The following ST6GALNAC3 variants were observed in gnomAD, a reference collection of about 807,000 sequenced individuals.
ST6GALNAC3 encodes ST6 N-acetylgalactosaminide alpha-2,6-sialyltransferase 3.
In ST6GALNAC3, 25 loss-of-function variants were observed where a neutral mutation model predicts 32.7. The observed-to-expected ratio is 0.76, with a 90% CI of 0.56 to 1.07. The LOEUF is 1.07. Ranked by LOEUF, ST6GALNAC3 falls within the 50% of genes least tolerant of loss-of-function variation. ST6GALNAC3 has a pLI of 0.00. For missense variants in ST6GALNAC3, 355 were observed against 382.4 expected (o/e 0.93, Z 0.60); for synonymous variants, 129 against 133.1 (o/e 0.97, Z 0.21).
At chr1:76,396,251 G>C (rs1351066038) in intron 2 of ST6GALNAC3, among the ~76,000 whole-genome samples, 5 of 152,164 alleles carry the variant, frequency 3.3e-5, no homozygotes, top group Admixed American at 6.5e-5. Flanking sequence ...GATTGCATGA[G>C]TCCAGGAGTT....
chr1:76,471,886 A>T (rs1659055472), intron 3 of ST6GALNAC3, among the ~76,000 whole-genome samples: 1 of 151,502 alleles, frequency 6.6e-6, no homozygotes, highest in South Asian at 2.1e-4. Context: ...TTTTAACAAC[A>T]GGGACATTTT....
Position 76,361,924 on chromosome 1 carries a change from G to A in ST6GALNAC3, c.213+47925G>A, listed in dbSNP as rs945125971. On this transcript the variant is annotated intron_variant, in intron 2 of 4. Transcript: ENST00000328299. ...ACCCAGGAGGTGAAGGTTGCAGTGC[G>A]CTGAGATCACGCCACTGCACTCCAG... Among the ~76,000 whole-genome samples, 96 of 149,664 alleles carry A rather than the reference G, an allele frequency of 6.4e-4. 1 individual carries two copies. Among genetic ancestry groups the A allele is most frequent in the East Asian group, 4.3e-3 (22 of 5,142 alleles).
intron 3 of ST6GALNAC3, among the ~76,000 whole-genome samples, chr1:76,609,268 T>G (rs965955665): frequency 2.6e-5 from 4 of 152,206 alleles, no homozygotes; most frequent in Non-Finnish European, 4.4e-5. Context: ...TCACTAAAAT[T>G]TCCAGGACCT....
At chr1:76,594,358 T>C (rs1487972236) in intron 3 of ST6GALNAC3, among the ~76,000 whole-genome samples, 8 of 152,158 alleles carry the variant, frequency 5.3e-5, no homozygotes, top group African/African-American at 1.4e-4. Flanking sequence ...TCTACCCAAC[T>C]CTTTAAAGGT....
chr1:76,206,738 A>T (rs1654847817), intron 1 of ST6GALNAC3, among the ~76,000 whole-genome samples: 1 of 152,124 alleles, frequency 6.6e-6, no homozygotes, highest in Admixed American at 6.5e-5. Context: ...TCTAAAAAAA[A>T]AAAATGCTGT....
chr1:76,364,852 A>G (rs1650243710), intron 2 of ST6GALNAC3, among the ~76,000 whole-genome samples: 1 of 152,302 alleles, frequency 6.6e-6, no homozygotes, highest in East Asian at 1.9e-4. Context: ...ATGTAGATAA[A>G]AAGATATGCT....
intron 2 of ST6GALNAC3, among the ~76,000 whole-genome samples, chr1:76,346,637 G>T (rs1648542021): frequency 6.6e-6 from 1 of 152,180 alleles, no homozygotes. Flanking sequence ...GTGTGTGGTG[G>T]TTAAGGACAT....
At chr1:76,367,240 T>C (rs976780014) in intron 2 of ST6GALNAC3, among the ~76,000 whole-genome samples, 1 of 152,206 alleles carries the variant, frequency 6.6e-6, no homozygotes, top group African/African-American at 2.4e-5. Flanking sequence ...TTCCTTTTCA[T>C]ATATACATTA....
intron 3 of ST6GALNAC3, among the ~76,000 whole-genome samples, chr1:76,514,257 G>C (rs1662039665): frequency 6.6e-6 from 1 of 152,066 alleles, no homozygotes; most frequent in African/African-American, 2.4e-5. Context: ...TACTTAATTT[G>C]TGGAGAGTTT....
At chr1:76,551,412 C>A (rs1001720287) in intron 3 of ST6GALNAC3, among the ~76,000 whole-genome samples, 3 of 152,124 alleles carry the variant, frequency 2.0e-5, no homozygotes, top group Non-Finnish European at 4.4e-5. Context: ...CACAGAGGCC[C>A]ACACATGTTT....
intron 1 of ST6GALNAC3, among the ~76,000 whole-genome samples, chr1:76,273,750 T>C (rs924219299): frequency 2.0e-5 from 3 of 152,230 alleles, no homozygotes; most frequent in African/African-American, 4.8e-5. Flanking sequence ...AAGATGCTGA[T>C]ATTCATCAAT....
chr1:76,082,444 A>C (rs978719964), intron 1 of ST6GALNAC3, among the ~76,000 whole-genome samples: 2 of 152,164 alleles, frequency 1.3e-5, no homozygotes, highest in African/African-American at 2.4e-5. Context: ...GGGGTGCTAA[A>C]CCCCAAATTT....
At position 76,629,762 on chromosome 1, in the gene ST6GALNAC3, A is replaced by G. The variant is rs1649194371; in HGVS notation, c.*956A>G. ...TAGAGACAGCAAAGCATATTTTTAC[A>G]TCAATTTGTATCCTATCATACTTCA... is the stretch of plus-strand genomic sequence containing the variant. On this transcript the variant is annotated 3_prime_UTR_variant, in exon 5 of 5. Transcript: ENST00000328299. 4.1e-6 allele frequency: 4 copies of G among 974,656 alleles called. No individual in the cohort carries two copies. In the African/African-American group the frequency reaches 5.3e-5, roughly 13 times the overall value. 60.4% of individuals were successfully genotyped at this position (974,656 alleles called of 1,614,324 possible).
chr1:76,285,883 G>A (rs972168228), intron 1 of ST6GALNAC3, among the ~76,000 whole-genome samples: 1 of 152,096 alleles, frequency 6.6e-6, no homozygotes, highest in Non-Finnish European at 1.5e-5. Flanking sequence ...CACACACAAA[G>A]AGAGAAACAG....
intron 3 of ST6GALNAC3, among the ~76,000 whole-genome samples, chr1:76,531,815 C>T (rs1011756118): frequency 6.6e-6 from 1 of 152,158 alleles, no homozygotes; most frequent in African/African-American, 2.4e-5. Context: ...GCCCAGGCTG[C>T]ACCACTTCTG....
intron 1 of ST6GALNAC3, among the ~76,000 whole-genome samples, chr1:76,106,017 C>T (rs926786169): frequency 1.3e-5 from 2 of 152,192 alleles, no homozygotes; most frequent in African/African-American, 4.8e-5. Context: ...TGCTATTTAT[C>T]ATCACTGTGA....
rs76928043 is a variant in ST6GALNAC3 at position 76,406,760 on chromosome 1, C to T, written c.214-5248C>T. 4.7e-4 allele frequency among the ~76,000 whole-genome samples: 72 copies of T among 151,942 alleles called. 2 individuals are homozygous for T. The East Asian group carries it at 0.013, about 28-fold the overall frequency. ...CTTTGATATTCCACATTTCCTAATGCTGCTGTGAGTGCATTTCCTGAAAGT... is the reference window on the plus strand; with the variant it reads ...CTTTGATATTCCACATTTCCTAATGTTGCTGTGAGTGCATTTCCTGAAAGT... On this transcript the variant is annotated intron_variant, in intron 2 of 4. Coordinates refer to ENST00000328299, the MANE Select transcript of ST6GALNAC3 (RefSeq NM_152996.4).
intron 2 of ST6GALNAC3, among the ~76,000 whole-genome samples, chr1:76,332,841 T>C (rs1270190912): frequency 1.3e-5 from 2 of 152,156 alleles, no homozygotes; most frequent in African/African-American, 2.4e-5. Context: ...AAGTGCCAGC[T>C]CCTCCCCTCA....
At chr1:76,280,353 C>T (rs1281997429) in intron 1 of ST6GALNAC3, among the ~76,000 whole-genome samples, 1 of 152,140 alleles carries the variant, frequency 6.6e-6, no homozygotes, top group African/African-American at 2.4e-5. Context: ...TGTTACTCTC[C>T]AATGTCTCTC....
Sources: allele counts gnomAD v4.1 joint callset (sites outside exome capture counted in the v4.1 genomes callset), GRCh38; gene constraint gnomAD v4.1.1; transcripts MANE v1.5; gene names NCBI Gene and HGNC (gene_info 2026-07-23, HGNC 2026-07-21).